FBLN1: variants seen among roughly 807,000 people sequenced by gnomAD.
FBLN1 encodes fibulin 1, also known as fibulin-1.
Under a neutral mutation model 89.7 loss-of-function variants are expected in FBLN1, and 34 were observed. The observed-to-expected ratio is 0.38, with a 90% CI of 0.29 to 0.50. FBLN1 has a LOEUF of 0.50. Ranked by LOEUF, FBLN1 falls within the 20% of genes least tolerant of loss-of-function variation. The probability of loss-of-function intolerance (pLI) is 0.92; values close to 1 mark genes in which losing one functional copy is unlikely to be tolerated. For missense variants in FBLN1, 777 were observed against 988.1 expected (o/e 0.79, Z 2.86); for synonymous variants, 393 against 391.3 (o/e 1.00, Z -0.05).
At chr22:45,555,252 TATATATATATATAAAATGGA>T (rs1260062458) in intron 14 of FBLN1, among the ~76,000 whole-genome samples, 2,467 of 40,880 alleles carry the variant, frequency 0.06, 77 homozygotes, top group African/African-American at 0.11. Context: ...AATATACATA[TATATATATATATAAAATGGA>T]ATATATATAT....
In FBLN1 at chr22:45,527,838, T is replaced by C; in HGVS notation, c.322-9T>C. 6.2e-7 allele frequency: 1 copy of C among 1,613,568 alleles called. No homozygotes were observed. Among genetic ancestry groups the C allele is most frequent in the Non-Finnish European group, 8.5e-7 (1 of 1,179,972 alleles). On this transcript the variant is annotated splice_polypyrimidine_tract_variant and intron_variant, in intron 3 of 16. Coordinates refer to ENST00000327858, the MANE Select transcript of FBLN1 (RefSeq NM_006486.3). Reference sequence around the variant, plus strand: ...CTCCTCCATCTGGGATCTCCACCTGTGTTTGCAGAGGTGCTGCCATTGCTG... The same window carrying C: ...CTCCTCCATCTGGGATCTCCACCTGCGTTTGCAGAGGTGCTGCCATTGCTG...
In FBLN1 at chr22:45,562,865, G is replaced by T; in HGVS notation, c.1698-11646G>T. 1.3e-6 allele frequency: 2 copies of T among 1,581,604 alleles called. No homozygotes were observed. On this transcript the variant is annotated intron_variant, in intron 14 of 16. Coordinates refer to ENST00000327858, the MANE Select transcript of FBLN1 (RefSeq NM_006486.3). This position sits in a 1 kb window ranked among gnomAD's most constrained non-coding sequence, Gnocchi z 7.8. ...CGCTCTGCCGTTTCTCCGCTTGCTGGACCGGCCCTAACCCTCTTCTTGTCT... is the reference window on the plus strand; with the variant it reads ...CGCTCTGCCGTTTCTCCGCTTGCTGTACCGGCCCTAACCCTCTTCTTGTCT...
chr22:45,535,418 GC>G (rs1739031513), intron 8 of FBLN1, 81 bp downstream of exon 8: 1 of 1,558,696 alleles, frequency 6.4e-7, no homozygotes, highest in South Asian at 1.1e-5. Context: ...TCTAGAATCT[GC>G]GGGGCCGCAT....
chr22:45,577,401 C>T lies in FBLN1; in HGVS notation c.1972+293C>T, dbSNP rs892293741. 2.0e-5 allele frequency among the ~76,000 whole-genome samples: 3 copies of T among 152,206 alleles called. No individual in the cohort carries two copies. The highest frequency in any genetic ancestry group is 2.1e-4 in the South Asian group (1 of 4,824). ...CATGGGTGGGTTCCAGAGAGCGCTG[C>T]GCCTCACAACCATGAATTTCAAATG... On this transcript the variant is annotated intron_variant, in intron 16 of 16. Transcript: ENST00000327858. This position sits in a 1 kb window ranked among gnomAD's most constrained non-coding sequence, Gnocchi z 6.6.
At chr22:45,526,964 T>G (rs470065) in intron 3 of FBLN1, among the ~76,000 whole-genome samples, 141,513 of 152,234 alleles carry the variant, frequency 0.93, 65,854 homozygotes, top group African/African-American at 0.97. Flanking sequence ...GGAACAGATC[T>G]CTCTGGCAGA....
chr22:45,581,237 C>G lies in FBLN1; in HGVS notation c.1972+4129C>G, dbSNP rs1374121865. Among the ~76,000 whole-genome samples the G allele has an allele frequency of 1.3e-5, 2 of 152,258 alleles. No homozygotes were observed. Among genetic ancestry groups the G allele is most frequent in the Middle Eastern group, 3.4e-3 (1 of 294 alleles). Reference sequence around the variant, plus strand: ...CGAGGCCACCCGGGCTCCCCGGGCCCCTGGGCTATGGCTGCTGTCTGAGCC... The same window carrying G: ...CGAGGCCACCCGGGCTCCCCGGGCCGCTGGGCTATGGCTGCTGTCTGAGCC... On this transcript the variant is annotated intron_variant, in intron 16 of 16. Coordinates refer to ENST00000327858, the MANE Select transcript of FBLN1 (RefSeq NM_006486.3). The surrounding 1 kb of genome is among the most constrained non-coding windows in gnomAD (Gnocchi z 7.6).
intron 14 of FBLN1, among the ~76,000 whole-genome samples, chr22:45,564,247 C>G (rs935185138): frequency 6.6e-6 from 1 of 152,228 alleles, no homozygotes; most frequent in African/African-American, 2.4e-5. Context: ...CATCTGTCCC[C>G]CTCTGCTGCT....
At position 45,542,218 on chromosome 22, in the gene FBLN1, C is replaced by G; in HGVS notation, c.1130C>G (p.Pro377Arg). The change falls in exon 10 of 17, where the codon CCC (proline) becomes CGC (arginine). Residue 377 changes from proline to arginine, a missense_variant. Coordinates refer to ENST00000327858, the MANE Select transcript of FBLN1 (RefSeq NM_006486.3). ...CGKGHRCVNS[P>R]GSFRCECKTG... ...AAGGGACATCGCTGCGTGAACTCTC[C>G]CGGCAGTTTCCGCTGCGAATGCAAG... 1.2e-6 allele frequency: 2 copies of G among 1,614,190 alleles called. No homozygotes were observed. The highest frequency in any genetic ancestry group is 1.7e-6 in the Non-Finnish European group (2 of 1,180,036).
rs917623005 is a variant in FBLN1, at chr22:45,578,289, G to A, written c.1972+1181G>A. 1 of 152,242 alleles carries A rather than the reference G, an allele frequency of 6.6e-6. No individual in the cohort carries two copies. The highest frequency in any genetic ancestry group is 2.4e-5 in the African/African-American group (1 of 41,460). The allele number at this position is 152,242 out of a possible 1,614,324, so 9.4% of individuals were successfully genotyped here. A position where few individuals can be genotyped will look rare whatever the true frequency, so the allele number is the denominator to read the frequency against. ...GAATCGTTATTCCCGTCTTGCCAAA[G>A]AGCCATTTATAGCACCTTTACAAGC... is the stretch of plus-strand genomic sequence containing the variant. On this transcript the variant is annotated intron_variant, in intron 16 of 16. Transcript: ENST00000327858. This position sits in a 1 kb window ranked among gnomAD's most constrained non-coding sequence, Gnocchi z 4.6.
chr22:45,561,729 A>T lies in FBLN1; in HGVS notation c.1697+11114A>T, dbSNP rs1358789871. 1.3e-5 allele frequency among the ~76,000 whole-genome samples: 2 copies of T among 152,200 alleles called. No homozygotes were observed. The highest frequency in any genetic ancestry group is 4.8e-5 in the African/African-American group (2 of 41,456). On this transcript the variant is annotated intron_variant, in intron 14 of 16. Transcript: ENST00000327858. The surrounding 1 kb of genome is among the most constrained non-coding windows in gnomAD (Gnocchi z 4.7). The stretch of plus-strand genomic sequence containing the variant: ...GAGGGACAGAACTAACGGAATACAT[A>T]TGTATAATGGAGAGTTTATTAAGCA...
rs1433614107 is a variant in FBLN1, at chr22:45,531,720, C to G, written c.544+396C>G. On this transcript the variant is annotated intron_variant, in intron 5 of 16. Coordinates refer to ENST00000327858, the MANE Select transcript of FBLN1 (RefSeq NM_006486.3). This position sits in a 1 kb window ranked among gnomAD's most constrained non-coding sequence, Gnocchi z 4.9. ...TTTCCCCTTCCAGATCTAGGGCTGG[C>G]TGGGGAGGGGAAGGGTGGGCTTACC... is the stretch of plus-strand genomic sequence containing the variant. Among the ~76,000 whole-genome samples, 8 of 152,302 alleles carry G rather than the reference C, an allele frequency of 5.3e-5. No individual in the cohort carries two copies. Among genetic ancestry groups the G allele is most frequent in the African/African-American group, 1.9e-4 (8 of 41,566 alleles).
At chr22:45,586,384 C>T (rs983262691) in intron 16 of FBLN1, among the ~76,000 whole-genome samples, 5 of 152,184 alleles carry the variant, frequency 3.3e-5, no homozygotes, top group Non-Finnish European at 5.9e-5. Flanking sequence ...CCCCAGGGGT[C>T]GGCTACACCC....
Position 45,600,619 on chromosome 22 carries a change from G to A in FBLN1, c.*173G>A, listed in dbSNP as rs1401445543. On this transcript the variant is annotated 3_prime_UTR_variant, in exon 17 of 17. Transcript: ENST00000327858. ...GAATAAGTCCATCTGATGTATTTTC[G>A]GTGTTTAAAAAATGAGCCCAGTTGC... 6.3e-6 allele frequency: 5 copies of A among 789,396 alleles called. No individual in the cohort carries two copies. Among genetic ancestry groups the A allele is most frequent in the South Asian group, 5.9e-5 (4 of 67,228 alleles). 48.9% of individuals were successfully genotyped at this position (789,396 alleles called of 1,614,324 possible).
intron 10 of FBLN1, 49 bp from the exon 11 acceptor site, chr22:45,543,352 T>C (rs756987772): frequency 1.9e-6 from 3 of 1,605,800 alleles, no homozygotes; most frequent in East Asian, 4.5e-5. Flanking sequence ...TGGAGTGTGG[T>C]GCCACTGTGT....
intron 14 of FBLN1, among the ~76,000 whole-genome samples, chr22:45,569,134 A>G (rs61325583): frequency 0.025 from 3,869 of 152,294 alleles, 162 homozygotes; most frequent in African/African-American, 0.086. Context: ...GAACTTTGAC[A>G]TCTTTCTTGG....
Position 45,562,887 on chromosome 22 carries a change from GTC to G in FBLN1, c.1698-11618_1698-11617del, listed in dbSNP as rs750834680. 1.1e-5 allele frequency: 18 copies of G among 1,610,434 alleles called. No homozygotes were observed. In the East Asian group the frequency reaches 3.1e-4, roughly 28 times the overall value. On this transcript the variant is annotated intron_variant, in intron 14 of 16. Coordinates refer to ENST00000327858, the MANE Select transcript of FBLN1 (RefSeq NM_006486.3). This position sits in a 1 kb window ranked among gnomAD's most constrained non-coding sequence, Gnocchi z 7.8. ...CTGGACCGGCCCTAACCCTCTTCTT[GTC>G]TCTCTGCCCACTTTTCTTGCAGCCG...
intron 1 of FBLN1, among the ~76,000 whole-genome samples, chr22:45,506,141 T>A (rs1417056015): frequency 3.3e-5 from 5 of 152,244 alleles, no homozygotes; most frequent in Non-Finnish European, 5.9e-5. Context: ...CCAGGAGCCT[T>A]CGCAGCCCTT....
intron 2 of FBLN1, chr22:45,523,228 G>T (rs755232653): frequency 1.3e-5 from 10 of 756,696 alleles, no homozygotes; most frequent in Admixed American, 7.0e-5. Context: ...GGCGGCCAGG[G>T]TGGCTGGAGT....
intron 14 of FBLN1, among the ~76,000 whole-genome samples, chr22:45,569,078 A>T (rs925741121): frequency 6.6e-6 from 1 of 152,142 alleles, no homozygotes; most frequent in Non-Finnish European, 1.5e-5. Flanking sequence ...TACATCTGCA[A>T]TGACCGTAGT....
Sources: allele counts gnomAD v4.1 joint callset (sites outside exome capture counted in the v4.1 genomes callset), GRCh38; gene constraint gnomAD v4.1.1; non-coding constraint Gnocchi (gnomAD v3.1); transcripts MANE v1.5; gene names NCBI Gene and HGNC (gene_info 2026-07-23, HGNC 2026-07-21).